GNA14: variants seen among roughly 807,000 people sequenced by gnomAD.
The protein encoded by GNA14 is guanine nucleotide-binding protein subunit alpha-14.
GNA14 carries 50 observed loss-of-function variants against 42.0 expected under a neutral mutation model. That is an observed-to-expected ratio of 1.19 (90% CI 0.95 to 1.51). GNA14 has a LOEUF of 1.51. GNA14 is among the 40% of genes most tolerant of loss of function. The pLI, the probability that GNA14 is intolerant of heterozygous loss-of-function variation, is 0.00. For missense variants in GNA14, 473 were observed against 446.2 expected, an observed-to-expected ratio of 1.06 and a Z score of -0.54; for synonymous variants, 173 against 163.1, an observed-to-expected ratio of 1.06 and a Z score of -0.46.
intron 2 of GNA14, among the ~76,000 whole-genome samples, chr9:77,505,229 A>T (rs1431010486): frequency 6.6e-6 from 1 of 152,232 alleles, no homozygotes; most frequent in Non-Finnish European, 1.5e-5. Context: ...GCACTTTTGA[A>T]AGCATAGGCT....
At chr9:77,501,731 G>C (rs1002625369) in intron 2 of GNA14, among the ~76,000 whole-genome samples, 38 of 35,662 alleles carry the variant, frequency 1.1e-3, no homozygotes, top group African/African-American at 4.7e-3. Flanking sequence ...TTTTTTTTGA[G>C]ATGGAGTCTT....
At chr9:77,506,138 C>T (rs989461441) in intron 2 of GNA14, among the ~76,000 whole-genome samples, 5 of 151,446 alleles carry the variant, frequency 3.3e-5, no homozygotes, top group African/African-American at 1.2e-4. Context: ...TAAAATTAGC[C>T]AGGCATGGTG....
intron 1 of GNA14, among the ~76,000 whole-genome samples, chr9:77,605,055 C>T (rs796594313): frequency 5.9e-5 from 9 of 152,340 alleles, no homozygotes; most frequent in African/African-American, 1.4e-4. Context: ...TCTAGACACT[C>T]GGTTTAAATG....
intron 2 of GNA14, among the ~76,000 whole-genome samples, chr9:77,486,898 G>A (rs913992443): frequency 6.6e-6 from 1 of 151,868 alleles, no homozygotes; most frequent in African/African-American, 2.4e-5. Context: ...ATAGTGAAAA[G>A]GTTTGAAATA....
At chr9:77,592,850 G>C (rs1161010983) in intron 1 of GNA14, among the ~76,000 whole-genome samples, 1 of 152,054 alleles carries the variant, frequency 6.6e-6, no homozygotes, top group East Asian at 1.9e-4. Context: ...CTCATAACTG[G>C]ACTGTGCCTG....
chr9:77,574,625 C>T (rs1564057175), intron 1 of GNA14, among the ~76,000 whole-genome samples: 1 of 152,170 alleles, frequency 6.6e-6, no homozygotes, highest in Non-Finnish European at 1.5e-5. Context: ...CTGACACTGT[C>T]AGGAATATTT....
intron 2 of GNA14, among the ~76,000 whole-genome samples, chr9:77,524,549 T>A (rs1014053018): frequency 6.6e-6 from 1 of 152,226 alleles, no homozygotes; most frequent in African/African-American, 2.4e-5. Flanking sequence ...TATTCTTCCC[T>A]GACATAACTA....
At chr9:77,646,025 G>A (rs764597887) in intron 1 of GNA14, among the ~76,000 whole-genome samples, 7 of 152,150 alleles carry the variant, frequency 4.6e-5, no homozygotes, top group South Asian at 2.1e-4. Flanking sequence ...GACAAAGGTA[G>A]CTTTATAACA....
At chr9:77,553,174 C>G (rs139123706) in intron 1 of GNA14, among the ~76,000 whole-genome samples, 1 of 152,074 alleles carries the variant, frequency 6.6e-6, no homozygotes, top group African/African-American at 2.4e-5. Flanking sequence ...AATAATTAGC[C>G]TTGTTCTTTT....
intron 1 of GNA14, among the ~76,000 whole-genome samples, chr9:77,642,934 G>A (rs1034824818): frequency 2.0e-5 from 3 of 152,124 alleles, no homozygotes; most frequent in East Asian, 1.9e-4. Context: ...GCCCCCATGC[G>A]CAGACAATTG....
In GNA14 at chr9:77,648,206, A is replaced by C. The variant is rs1193547173; in HGVS notation, c.-413T>G. 1 of 245,760 alleles carries C rather than the reference A, an allele frequency of 4.1e-6. No homozygotes were observed. Among genetic ancestry groups the C allele is most frequent in the Non-Finnish European group, 7.9e-6 (1 of 127,230 alleles). 15.2% of individuals were successfully genotyped at this position (245,760 alleles called of 1,614,324 possible). A position where few individuals can be genotyped will look rare whatever the true frequency, so the allele number is the denominator to read the frequency against. On this transcript the variant is annotated 5_prime_UTR_variant, in exon 1 of 7. Coordinates refer to ENST00000341700, the MANE Select transcript of GNA14 (RefSeq NM_004297.4). Reference sequence around the variant, plus strand: ...GGGGAGAGTAGGATCTCCTGGGCCTAGGGGTGTCCCCAGGCGGGAGGTAGG... The same window carrying C: ...GGGGAGAGTAGGATCTCCTGGGCCTCGGGGTGTCCCCAGGCGGGAGGTAGG...
Position 77,636,851 on chromosome 9 carries a change from C to T in GNA14, c.124+10819G>A, listed in dbSNP as rs919505867. Among the ~76,000 whole-genome samples the T allele has an allele frequency of 5.9e-5, 9 of 152,124 alleles. No individual in the cohort carries two copies. In the East Asian group the frequency reaches 9.6e-4, roughly 16 times the overall value. The stretch of plus-strand genomic sequence containing the variant: ...ATTTGAAAGAGACAAACATTCAAAC[C>T]GCAGCACAAGCCAATGTTCCATGGA... On this transcript the variant is annotated intron_variant, in intron 1 of 6. Coordinates refer to ENST00000341700, the MANE Select transcript of GNA14 (RefSeq NM_004297.4).
rs1384009225 is a variant in GNA14 at position 77,622,148 on chromosome 9, A to C, written c.124+25522T>G. On this transcript the variant is annotated intron_variant, in intron 1 of 6. Transcript: ENST00000341700. ...TGAAAGAAAAGAAACTTGTGTAAAC[A>C]ATATTAGACTGATGAGTTTGAATAC... 2.6e-5 allele frequency among the ~76,000 whole-genome samples: 4 copies of C among 152,238 alleles called. No homozygotes were observed. In the East Asian group the frequency reaches 7.7e-4, roughly 29 times the overall value.
intron 2 of GNA14, among the ~76,000 whole-genome samples, chr9:77,447,756 G>T (rs1214782259): frequency 6.6e-6 from 1 of 152,196 alleles, no homozygotes; most frequent in Admixed American, 6.5e-5. Context: ...GGAGGGAAGA[G>T]AGCATGGAGC....
intron 1 of GNA14, among the ~76,000 whole-genome samples, chr9:77,576,591 G>A (rs139042445): frequency 2.2e-3 from 338 of 152,260 alleles, no homozygotes; most frequent in African/African-American, 7.6e-3. Flanking sequence ...GAACTCTAAT[G>A]ATTAGATATG....
At chr9:77,620,031 A>G (rs965801674) in intron 1 of GNA14, among the ~76,000 whole-genome samples, 3 of 152,172 alleles carry the variant, frequency 2.0e-5, no homozygotes, top group African/African-American at 7.2e-5. Context: ...CACCAAGTCA[A>G]ACAGCAACTA....
At chr9:77,571,756 C>CAA (rs35715329) in intron 1 of GNA14, among the ~76,000 whole-genome samples, 10,152 of 129,676 alleles carry the variant, frequency 0.078, 439 homozygotes, top group Non-Finnish European at 0.11. Flanking sequence ...CCTCTGCCTT[C>CAA]AAAAAAAAAA....
chr9:77,425,440 A>G (rs1264424738), intron 6 of GNA14, 122 bp downstream of exon 6: 1 of 642,630 alleles, frequency 1.6e-6, no homozygotes, highest in East Asian at 2.8e-5. Flanking sequence ...AGGTGGGAAT[A>G]GGGGGAGAGG....
intron 4 of GNA14, among the ~76,000 whole-genome samples, chr9:77,429,655 G>C (rs1402921414): frequency 2.0e-5 from 3 of 152,134 alleles, no homozygotes; most frequent in African/African-American, 7.2e-5. Context: ...CAGTTTATGG[G>C]AATGAGCCAA....
Sources: gnomAD v4.1 joint callset for allele counts (sites outside exome capture counted in the v4.1 genomes callset) on GRCh38, gnomAD v4.1.1 for gene constraint, MANE v1.5 for transcripts, NCBI Gene and HGNC (gene_info 2026-07-23, HGNC 2026-07-21) for gene names.